The following PLIN1 variants were observed in gnomAD, a reference collection of about 807,000 sequenced individuals.
PLIN1 encodes perilipin 1, also known as perilipin-1.
Under a neutral mutation model 45.8 loss-of-function variants are expected in PLIN1, and 37 were observed. That is an observed-to-expected ratio of 0.81 (90% CI 0.62 to 1.06). The LOEUF is 1.06. PLIN1 is among the 50% of genes least tolerant of loss of function. The pLI, the probability that PLIN1 is intolerant of heterozygous loss-of-function variation, is 0.00. For missense variants in PLIN1, 776 were observed against 716.5 expected (o/e 1.08, Z -0.95); for synonymous variants, 340 against 309.2 (o/e 1.10, Z -1.05).
intron 2 of PLIN1, among the ~76,000 whole-genome samples, chr15:89,675,821 A>T (rs1253671430): frequency 2.0e-5 from 3 of 152,208 alleles, no homozygotes; most frequent in Admixed American, 6.5e-5. Flanking sequence ...TTTACCCAAG[A>T]TCCCACAGCT....
rs1329604363 is a variant in PLIN1 at position 89,665,822 on chromosome 15, C to A, written c.1330G>T (p.Glu444Ter). 1 of 1,403,256 alleles carries A rather than the reference C, an allele frequency of 7.1e-7. No homozygotes were observed. Among genetic ancestry groups the A allele is most frequent in the Non-Finnish European group, 9.3e-7 (1 of 1,076,746 alleles). The allele number at this position is 1,403,256 out of a possible 1,614,324, so 86.9% of individuals were successfully genotyped here. ...RASGAPSAGP[E>*]PAPRLAQPRR... is the part of the protein sequence containing the mutation. ...GGCTGTGCGAGACGCGGGGCGGGCT[C>A]CGGGCCGGCGGACGGCGCCCCAGAC... The change falls in exon 9 of 9, where the codon GAG becomes TAG. Residue 444 changes from glutamate (E) to a stop codon, truncating the protein, a stop_gained. Coordinates refer to ENST00000300055, the MANE Select transcript of PLIN1 (RefSeq NM_002666.5). LOFTEE classifies it low-confidence loss of function (END_TRUNC).
intron 3 of PLIN1, among the ~76,000 whole-genome samples, chr15:89,672,198 GAAGGGAA>G (rs1332529798): frequency 6.6e-6 from 1 of 152,204 alleles, no homozygotes; most frequent in Non-Finnish European, 1.5e-5. Context: ...GGGTCACAGG[GAAGGGAA>G]AAGAGTTGCC....
intron 8 of PLIN1, 89 bp from the exon 9 acceptor site, chr15:89,666,031 T>G: frequency 8.8e-6 from 9 of 1,021,098 alleles, no homozygotes; most frequent in Non-Finnish European, 1.0e-5. Flanking sequence ...CCCTCGATTG[T>G]TCCCCCGGGA....
At position 89,665,587 on chromosome 15, in the gene PLIN1, C is replaced by T; in HGVS notation, c.1565G>A (p.Ser522Asn). 6.5e-7 allele frequency: 1 copy of T among 1,528,664 alleles called. No homozygotes were observed. Among genetic ancestry groups the T allele is most frequent in the East Asian group, 2.5e-5 (1 of 39,728 alleles). The allele number at this position is 1,528,664 out of a possible 1,614,324, so 94.7% of individuals were successfully genotyped here. The change falls in exon 9 of 9, where the codon AGC becomes AAC. Residue 522 changes from serine (S) to asparagine (N), a missense_variant. Coordinates refer to ENST00000300055, the MANE Select transcript of PLIN1 (RefSeq NM_002666.5). ...CGCGGCGGCTGGTGCGGCGACTCAG[C>T]TCTTCTTGCGCAGCTGGCTGTAATG... ...RTHYSQLRKK[S>N]
intron 6 of PLIN1, among the ~76,000 whole-genome samples, chr15:89,668,330 G>A (rs1014353439): frequency 3.3e-5 from 5 of 152,142 alleles, no homozygotes; most frequent in African/African-American, 1.2e-4. Context: ...ACCGTTGATG[G>A]ACATTATCAT....
At chr15:89,671,839 T>C (rs1385954923) in intron 3 of PLIN1, among the ~76,000 whole-genome samples, 2 of 152,388 alleles carry the variant, frequency 1.3e-5, no homozygotes, top group Middle Eastern at 3.4e-3. Context: ...GCCTGTGGCC[T>C]CAGCTAGTCA....
chr15:89,671,818 A>G (rs1379114549), intron 3 of PLIN1, among the ~76,000 whole-genome samples: 5 of 152,238 alleles, frequency 3.3e-5, no homozygotes. Flanking sequence ...CCAAGTGACC[A>G]CATCTAAGAA....
chr15:89,672,435 C>G (rs1218547298), intron 3 of PLIN1, among the ~76,000 whole-genome samples: 1 of 152,160 alleles, frequency 6.6e-6, no homozygotes, highest in Non-Finnish European at 1.5e-5. Context: ...TCCAGTTGGG[C>G]AGAATGAGAC....
chr15:89,677,681 T>C, intron 1 of PLIN1, 178 bp from the exon 2 acceptor site: 1 of 680,764 alleles, frequency 1.5e-6, no homozygotes, highest in South Asian at 1.6e-5. Context: ...CTCCTTAGGG[T>C]CCCATAGCAA....
intron 6 of PLIN1, 47 bp downstream of exon 6, chr15:89,669,453 A>C: frequency 1.3e-6 from 2 of 1,535,596 alleles, no homozygotes; most frequent in Non-Finnish European, 8.9e-7. Context: ...GGAGGCCCAC[A>C]GGGCTCCCAG....
At chr15:89,674,784 A>G (rs1310376590) in intron 2 of PLIN1, among the ~76,000 whole-genome samples, 1 of 152,064 alleles carries the variant, frequency 6.6e-6, no homozygotes, top group Non-Finnish European at 1.5e-5. Context: ...CCAGTTCCTA[A>G]CTTCGTTTAC....
At chr15:89,667,476 G>A (rs1049701614) in intron 7 of PLIN1, 126 bp downstream of exon 7, 1 of 1,430,740 alleles carries the variant, frequency 7.0e-7, no homozygotes, top group African/African-American at 1.4e-5. Context: ...GGGGTGGGGT[G>A]AAGGGTGTTG....
chr15:89,670,690 C>T (rs1479349452), intron 4 of PLIN1, among the ~76,000 whole-genome samples: 1 of 152,170 alleles, frequency 6.6e-6, no homozygotes, highest in African/African-American at 2.4e-5. Context: ...TCTTTTGTGA[C>T]AAAAATGTTG....
chr15:89,666,004 A>G (rs1297298255), intron 8 of PLIN1, 62 bp from the exon 9 acceptor site: 1 of 1,251,402 alleles, frequency 8.0e-7, no homozygotes, highest in Non-Finnish European at 1.1e-6. Context: ...CCTCTGACCC[A>G]CCGCCCCTTC....
intron 2 of PLIN1, 128 bp downstream of exon 2, chr15:89,677,317 T>C: frequency 2.4e-6 from 2 of 837,980 alleles, no homozygotes; most frequent in Non-Finnish European, 4.2e-6. Context: ...AACTAAGCCA[T>C]GGTAGTCAAT....
chr15:89,671,211 G>A (rs1964434186), intron 4 of PLIN1, among the ~76,000 whole-genome samples: 1 of 152,144 alleles, frequency 6.6e-6, no homozygotes, highest in Admixed American at 6.5e-5. Context: ...GTGCGGTATC[G>A]GGAGGCAGTG....
rs572633629 is a variant in PLIN1 at position 89,665,836 on chromosome 15, G to A, written c.1316C>T (p.Pro439Leu). The part of the protein sequence containing the change: ...REAERRASGA[P>L]SAGPEPAPRL... ...CGGGGCGGGCTCCGGGCCGGCGGAC[G>A]GCGCCCCAGACGCTCTGCGCTCCGC... is the stretch of plus-strand genomic sequence containing the variant. Residue 439 changes from proline (P) to leucine (L), a missense_variant, in exon 9 of 9, where the codon CCG becomes CTG. Physicochemically the swap from Pro to Leu is moderately conservative, Grantham distance 98. Transcript: ENST00000300055. The A allele has an allele frequency of 9.1e-6, 13 of 1,430,114 alleles. No individual in the cohort carries two copies. In the South Asian group the frequency reaches 1.8e-4, roughly 20 times the overall value. The allele number at this position is 1,430,114 out of a possible 1,614,324, so 88.6% of individuals were successfully genotyped here.
At chr15:89,678,387 G>A (rs1964551238) in intron 1 of PLIN1, among the ~76,000 whole-genome samples, 1 of 151,878 alleles carries the variant, frequency 6.6e-6, no homozygotes, top group Admixed American at 6.6e-5. Flanking sequence ...GTGGGCAGCT[G>A]TAATCCCAGC....
chr15:89,671,607 C>T (rs1352628955), intron 3 of PLIN1, 43 bp from the exon 4 acceptor site: 1 of 1,387,732 alleles, frequency 7.2e-7, no homozygotes, highest in Non-Finnish European at 1.0e-6. Flanking sequence ...TGCCCCTCCC[C>T]ATGAGAATCT....
Sources: gnomAD v4.1 joint callset for allele counts (sites outside exome capture counted in the v4.1 genomes callset) on GRCh38, gnomAD v4.1.1 for gene constraint, MANE v1.5 for transcripts, NCBI Gene and HGNC (gene_info 2026-07-23, HGNC 2026-07-21) for gene names.